The following NLK variants were observed in gnomAD, a reference collection of about 807,000 sequenced individuals.
NLK encodes nemo like kinase, also known as serine/threonine-protein kinase NLK.
NLK carries 11 observed loss-of-function variants against 59.0 expected under a neutral mutation model. The observed-to-expected ratio is 0.19, with a 90% CI of 0.12 to 0.31. NLK has a LOEUF of 0.31. Among genes scored for constraint, NLK ranks in the 10% least tolerant of loss-of-function variants. The pLI, the probability that NLK is intolerant of heterozygous loss-of-function variation, is 1.00. For synonymous variants in NLK, 235 were observed against 235.9 expected, an observed-to-expected ratio of 1.00 and a Z score of 0.03; for missense variants, 410 against 661.1, an observed-to-expected ratio of 0.62 and a Z score of 4.16.
intron 1 of NLK, among the ~76,000 whole-genome samples, chr17:28,081,250 G>A (rs920472734): frequency 6.6e-6 from 1 of 151,940 alleles, no homozygotes; most frequent in Non-Finnish European, 1.5e-5. Context: ...TTAGGCTGGA[G>A]TGCAGCGGCG....
At chr17:28,173,183 A>C (rs964996312) in intron 7 of NLK, among the ~76,000 whole-genome samples, 1 of 152,206 alleles carries the variant, frequency 6.6e-6, no homozygotes, top group African/African-American at 2.4e-5. Flanking sequence ...TTGATTTAGC[A>C]ACAGTTTTTA....
intron 1 of NLK, chr17:28,062,169 GAGTTAT>G (rs1347865137): frequency 1.3e-5 from 2 of 152,046 alleles, no homozygotes; most frequent in African/African-American, 4.8e-5. Flanking sequence ...GAGAGAGCGA[GAGTTAT>G]AGATGGAGCA....
intron 1 of NLK, among the ~76,000 whole-genome samples, chr17:28,107,095 G>A (rs1905199448): frequency 6.6e-6 from 1 of 152,126 alleles, no homozygotes; most frequent in South Asian, 2.1e-4. Flanking sequence ...AAATTGGATG[G>A]AATCACTGGT....
chr17:28,127,474 C>T (rs564451729), intron 2 of NLK, among the ~76,000 whole-genome samples: 7 of 152,078 alleles, frequency 4.6e-5, no homozygotes, highest in Admixed American at 6.5e-5. Flanking sequence ...ACTGTTGTGC[C>T]GCTAAGGAGT....
At chr17:28,177,849 C>CT (rs1243272749) in intron 7 of NLK, among the ~76,000 whole-genome samples, 1 of 152,164 alleles carries the variant, frequency 6.6e-6, no homozygotes, top group Non-Finnish European at 1.5e-5. Context: ...AAGGATCCAG[C>CT]TTTTTCATTT....
intron 3 of NLK, among the ~76,000 whole-genome samples, chr17:28,135,877 C>T (rs1164828742): frequency 6.6e-6 from 1 of 152,180 alleles, no homozygotes; most frequent in Non-Finnish European, 1.5e-5. Context: ...TAAGAGTTCT[C>T]AGTCACTTAT....
rs201738749 is a variant in NLK, at chr17:28,043,285, A to G, written c.412A>G (p.Ile138Val). 55 of 1,609,684 alleles carry G rather than the reference A, an allele frequency of 3.4e-5. No homozygotes were observed. In the East Asian group the frequency reaches 1.2e-3, roughly 36 times the overall value. ...HSHHPQQQLD[I>V]EPDRPIGYGA... ...GCATCATCCACAGCAGCAGCTGGAT[A>G]TTGAGCCGGATAGACCTATTGGATA... is the stretch of plus-strand genomic sequence containing the variant. The change falls in exon 1 of 11, where the codon ATT becomes GTT. Residue 138 changes from isoleucine (I) to valine (V), a missense_variant. Physicochemically the swap from Ile to Val is conservative, Grantham distance 29 (BLOSUM62 3). Around this residue, in one of 5 missense-constraint regions of NLK, gnomAD observed 73 missense variants for 197.2 expected, o/e 0.37. Transcript: ENST00000407008.
At chr17:28,164,343 C>G (rs1908131206) in intron 5 of NLK, among the ~76,000 whole-genome samples, 1 of 146,002 alleles carries the variant, frequency 6.8e-6, no homozygotes, top group Admixed American at 7.2e-5. Context: ...GCACTTCCAC[C>G]TAGGTGACAG....
intron 1 of NLK, among the ~76,000 whole-genome samples, chr17:28,045,752 C>T (rs1015121186): frequency 1.3e-5 from 2 of 151,980 alleles, no homozygotes; most frequent in African/African-American, 2.4e-5. Context: ...ACCAAACTAC[C>T]GGGAATTGCA....
intron 1 of NLK, among the ~76,000 whole-genome samples, chr17:28,080,841 T>C (rs1181558866): frequency 2.0e-5 from 3 of 152,178 alleles, no homozygotes. Context: ...ATTGTGTGCC[T>C]TTTGTTCAAG....
At chr17:28,174,068 A>G (rs766618697) in intron 7 of NLK, among the ~76,000 whole-genome samples, 5 of 152,226 alleles carry the variant, frequency 3.3e-5, no homozygotes, top group African/African-American at 9.6e-5. Context: ...TGCTGTCTAG[A>G]TAGAACGGCT....
At chr17:28,135,064 CTT>C (rs1217772308) in intron 3 of NLK, among the ~76,000 whole-genome samples, 1 of 152,182 alleles carries the variant, frequency 6.6e-6, no homozygotes, top group East Asian at 1.9e-4. Context: ...AGCTACCCCT[CTT>C]TATTCTTTTT....
At chr17:28,111,896 G>GTGTGGTGTGTGTGT (rs1394476582) in intron 1 of NLK, among the ~76,000 whole-genome samples, 5 of 67,534 alleles carry the variant, frequency 7.4e-5, no homozygotes, top group Non-Finnish European at 8.2e-5. Flanking sequence ...GTGTGTGTGT[G>GTGTGGTGTGTGTGT]GTGTGTGTGT....
chr17:28,069,536 T>C (rs1291372449), intron 1 of NLK, among the ~76,000 whole-genome samples: 2 of 152,224 alleles, frequency 1.3e-5, no homozygotes, highest in African/African-American at 4.8e-5. Flanking sequence ...CACTTGCAAA[T>C]CCTTGCAAAA....
intron 1 of NLK, among the ~76,000 whole-genome samples, chr17:28,082,182 C>G (rs1910370559): frequency 6.6e-6 from 1 of 152,202 alleles, no homozygotes; most frequent in Non-Finnish European, 1.5e-5. Flanking sequence ...GGATTACAGG[C>G]ATGAGCCACT....
chr17:28,081,198 G>T (rs1910333791), intron 1 of NLK, among the ~76,000 whole-genome samples: 1 of 151,668 alleles, frequency 6.6e-6, no homozygotes, highest in African/African-American at 2.4e-5. Context: ...CCTAGACCTG[G>T]TTTGTTTTTG....
intron 1 of NLK, among the ~76,000 whole-genome samples, chr17:28,084,394 A>G (rs1294085586): frequency 6.6e-6 from 1 of 152,172 alleles, no homozygotes; most frequent in African/African-American, 2.4e-5. Context: ...TGTTTTGTTA[A>G]GTGTCTAACT....
At chr17:28,100,873 A>G (rs1042350304) in intron 1 of NLK, among the ~76,000 whole-genome samples, 1 of 152,134 alleles carries the variant, frequency 6.6e-6, no homozygotes, top group African/African-American at 2.4e-5. Flanking sequence ...GGGTAGCCTT[A>G]TATGTCCAAG....
intron 1 of NLK, among the ~76,000 whole-genome samples, chr17:28,049,774 A>C (rs151330500): frequency 0.016 from 2,402 of 152,260 alleles, 58 homozygotes; most frequent in African/African-American, 0.054. Context: ...TGAGGTCAGG[A>C]GTTCAAGACC....
Sources: gnomAD v4.1 joint callset for allele counts (sites outside exome capture counted in the v4.1 genomes callset) on GRCh38, gnomAD v4.1.1 for gene constraint, gnomAD v4.1.1 regional missense constraint, MANE v1.5 for transcripts, NCBI Gene and HGNC (gene_info 2026-07-23, HGNC 2026-07-21) for gene names.